Variants in LHFPL6 observed in about 807,000 individuals in gnomAD.
LHFPL6 encodes LHFPL tetraspan subfamily member 6.
LHFPL6 carries 9 observed loss-of-function variants against 20.6 expected under a neutral mutation model. The observed-to-expected ratio is 0.44, with a 90% CI of 0.26 to 0.76. LHFPL6 has a LOEUF of 0.76. Among genes scored for constraint, LHFPL6 ranks in the 30% least tolerant of loss-of-function variants. LHFPL6 has a pLI of 0.20. For missense variants in LHFPL6, 218 were observed against 253.5 expected (o/e 0.86, Z 0.95); for synonymous variants, 105 against 98.7 (o/e 1.06, Z -0.38).
chr13:39,541,209 T>G (rs1433760195), intron 2 of LHFPL6, among the ~76,000 whole-genome samples: 1 of 152,162 alleles, frequency 6.6e-6, no homozygotes, highest in Non-Finnish European at 1.5e-5. Context: ...GGGCCACTAC[T>G]GAGTAAATGG....
intron 2 of LHFPL6, among the ~76,000 whole-genome samples, chr13:39,444,768 G>A (rs918798506): frequency 3.3e-5 from 5 of 152,178 alleles, no homozygotes; most frequent in African/African-American, 1.2e-4. Context: ...ACAGACAGTC[G>A]GGGGCTCAGG....
At chr13:39,583,167 TTC>T (rs1170465324) in intron 2 of LHFPL6, among the ~76,000 whole-genome samples, 1 of 115,882 alleles carries the variant, frequency 8.6e-6, no homozygotes, top group Non-Finnish European at 1.7e-5. Context: ...GGATGCCAAA[TTC>T]TTTTTTTTTT....
intron 3 of LHFPL6, among the ~76,000 whole-genome samples, chr13:39,367,342 C>T (rs1048820491): frequency 6.6e-6 from 1 of 152,112 alleles, no homozygotes; most frequent in Non-Finnish European, 1.5e-5. Context: ...CAATCCTGAA[C>T]ATGTATCCCC....
intron 2 of LHFPL6, among the ~76,000 whole-genome samples, chr13:39,541,510 C>T (rs1013292953): frequency 4.6e-5 from 7 of 152,112 alleles, no homozygotes; most frequent in African/African-American, 7.2e-5. Context: ...ACCTGCAGGC[C>T]TCATCCTCTA....
rs1285356048 is a variant in LHFPL6, at chr13:39,517,200, T to C, written c.385+83632A>G. Reference sequence around the variant, plus strand: ...CTGAATTATATAATTAGTTCCTGAGTACCCAAGACTATTTAAAATGCAATT... The same window carrying C: ...CTGAATTATATAATTAGTTCCTGAGCACCCAAGACTATTTAAAATGCAATT... On this transcript the variant is annotated intron_variant, in intron 2 of 3. Coordinates refer to ENST00000379589, the MANE Select transcript of LHFPL6 (RefSeq NM_005780.3). Among the ~76,000 whole-genome samples the C allele has an allele frequency of 2.0e-5, 3 of 152,126 alleles. No individual in the cohort carries two copies. The East Asian group carries it at 5.8e-4, about 29-fold the overall frequency.
At chr13:39,416,325 C>T (rs1871347362) in intron 2 of LHFPL6, among the ~76,000 whole-genome samples, 1 of 150,960 alleles carries the variant, frequency 6.6e-6, no homozygotes, top group Admixed American at 6.6e-5. Context: ...ATTACAGATG[C>T]TTAGCACATG....
rs180880199 is a variant in LHFPL6, at chr13:39,594,116, G to A, written c.385+6716C>T. On this transcript the variant is annotated intron_variant, in intron 2 of 3. Coordinates refer to ENST00000379589, the MANE Select transcript of LHFPL6 (RefSeq NM_005780.3). ...GCAACAAAAGCCAAAATTGACAAAC[G>A]GGATCTAATTAAACTAAAGAACTTC... Among the ~76,000 whole-genome samples, 443 of 152,246 alleles carry A rather than the reference G, an allele frequency of 2.9e-3. 4 individuals carry two copies. Among genetic ancestry groups the A allele is most frequent in the African/African-American group, 0.01 (418 of 41,526 alleles).
intron 2 of LHFPL6, among the ~76,000 whole-genome samples, chr13:39,595,108 A>C (rs1324706050): frequency 1.3e-5 from 2 of 152,180 alleles, no homozygotes; most frequent in African/African-American, 4.8e-5. Flanking sequence ...CCTAAAACTT[A>C]AAGTATAATA....
intron 2 of LHFPL6, among the ~76,000 whole-genome samples, chr13:39,379,920 G>A (rs555303081): frequency 6.6e-6 from 1 of 152,346 alleles, no homozygotes; most frequent in South Asian, 2.1e-4. Flanking sequence ...CTAGTCTCAG[G>A]ATGTCCTACA....
intron 2 of LHFPL6, among the ~76,000 whole-genome samples, chr13:39,541,131 GA>G (rs746978705): frequency 6.6e-6 from 1 of 152,098 alleles, no homozygotes; most frequent in Non-Finnish European, 1.5e-5. Context: ...CACAGCATGG[GA>G]ACATAAGCCA....
At chr13:39,530,075 G>T (rs1383490247) in intron 2 of LHFPL6, among the ~76,000 whole-genome samples, 4 of 152,060 alleles carry the variant, frequency 2.6e-5, no homozygotes, top group Non-Finnish European at 5.9e-5. Flanking sequence ...TTGGATGAAT[G>T]TGTAGGGTTC....
intron 2 of LHFPL6, among the ~76,000 whole-genome samples, chr13:39,587,019 T>C (rs1872469127): frequency 6.6e-6 from 1 of 152,078 alleles, no homozygotes; most frequent in Admixed American, 6.6e-5. Context: ...TAGCTAGGCA[T>C]GGTGGCATGC....
chr13:39,369,831 T>C (rs948927150), intron 3 of LHFPL6, among the ~76,000 whole-genome samples: 2 of 152,098 alleles, frequency 1.3e-5, no homozygotes, highest in Non-Finnish European at 2.9e-5. Flanking sequence ...GCACCGAAGT[T>C]GAAAAATCCT....
At chr13:39,426,641 C>CA (rs1871645872) in intron 2 of LHFPL6, among the ~76,000 whole-genome samples, 1 of 152,140 alleles carries the variant, frequency 6.6e-6, no homozygotes. Context: ...AAGGTTCACC[C>CA]ACGGTGCACC....
chr13:39,554,354 C>T (rs1324492405), intron 2 of LHFPL6, among the ~76,000 whole-genome samples: 2 of 152,274 alleles, frequency 1.3e-5, no homozygotes, highest in Admixed American at 6.5e-5. Context: ...TCTTTAATCG[C>T]TAAAGAGGAA....
chr13:39,377,902 G>A (rs1371776779), intron 3 of LHFPL6, among the ~76,000 whole-genome samples: 2 of 152,112 alleles, frequency 1.3e-5, no homozygotes, highest in Non-Finnish European at 2.9e-5. Flanking sequence ...TTGTGCCTTT[G>A]CTATACTGTA....
At chr13:39,538,467 G>T (rs905340425) in intron 2 of LHFPL6, among the ~76,000 whole-genome samples, 2 of 146,152 alleles carry the variant, frequency 1.4e-5, no homozygotes, top group Non-Finnish European at 3.0e-5. Flanking sequence ...AAGTAAATCC[G>T]GGTCAGAGAG....
intron 2 of LHFPL6, among the ~76,000 whole-genome samples, chr13:39,447,619 G>C (rs1464554819): frequency 6.6e-6 from 1 of 152,136 alleles, no homozygotes; most frequent in Non-Finnish European, 1.5e-5. Context: ...TGGACTTCAG[G>C]CCTCTTCAAC....
intron 3 of LHFPL6, among the ~76,000 whole-genome samples, chr13:39,377,818 T>C (rs1269346075): frequency 6.6e-6 from 1 of 152,232 alleles, no homozygotes; most frequent in Non-Finnish European, 1.5e-5. Flanking sequence ...TCATCACATT[T>C]ATCAGAGTAG....
Sources: gnomAD v4.1 joint callset for allele counts (sites outside exome capture counted in the v4.1 genomes callset) on GRCh38, gnomAD v4.1.1 for gene constraint, MANE v1.5 for transcripts, NCBI Gene and HGNC (gene_info 2026-07-23, HGNC 2026-07-21) for gene names.